The following DAGLA variants were observed in gnomAD, a reference collection of about 807,000 sequenced individuals.
DAGLA encodes the protein diacylglycerol lipase alpha.
A neutral mutation model predicts 102.6 loss-of-function variants in DAGLA; 22 were observed. The observed-to-expected ratio is 0.21, with a 90% CI of 0.15 to 0.31. The LOEUF (loss-of-function observed/expected upper bound fraction) is 0.31, where lower values mean the gene tolerates loss of function less well. Among genes scored for constraint, DAGLA ranks in the 10% least tolerant of loss-of-function variants. The pLI, the probability that DAGLA is intolerant of heterozygous loss-of-function variation, is 1.00. For synonymous variants in DAGLA, 578 were observed against 628.9 expected, an observed-to-expected ratio of 0.92 and a Z score of 1.21; for missense variants, 927 against 1,446.6, an observed-to-expected ratio of 0.64 and a Z score of 5.83.
chr11:61,722,902 C>G lies in DAGLA; in HGVS notation c.351C>G (p.Val117=), dbSNP rs756347287. 3.7e-6 allele frequency: 6 copies of G among 1,614,170 alleles called. No individual in the cohort carries two copies. The highest frequency in any genetic ancestry group is 5.1e-6 in the Non-Finnish European group (6 of 1,180,012). Residue 117 remains valine (V), a synonymous_variant, in exon 4 of 20, where the codon GTC becomes GTG. Transcript: ENST00000257215. Reference sequence around the variant, plus strand: ...TCATCTACGCCATCGTGGGCATCGTCTGGCTCACTCAGTACTACACCTCCT... The same window carrying G: ...TCATCTACGCCATCGTGGGCATCGTGTGGCTCACTCAGTACTACACCTCCT... ...IEFIYAIVGI[V]WLTQYYTSCN...
Position 61,689,790 on chromosome 11 carries a change from C to T in DAGLA, c.-45+9286C>T, listed in dbSNP as rs568576907. On this transcript the variant is annotated intron_variant, in intron 1 of 19. Coordinates refer to ENST00000257215, the MANE Select transcript of DAGLA (RefSeq NM_006133.3). ...AAGTGCTGGGTTTACAGGAGTGAGC[C>T]ACTGTGCCTGGCCTCTTTTGGTACT... Among the ~76,000 whole-genome samples, 11 of 152,292 alleles carry T rather than the reference C, an allele frequency of 7.2e-5. No individual in the cohort carries two copies. In the South Asian group the frequency reaches 2.1e-3, roughly 29 times the overall value.
At position 61,741,234 on chromosome 11, in the gene DAGLA, G is replaced by A. The variant is rs1330937208; in HGVS notation, c.2056G>A (p.Val686Met). The change falls in exon 19 of 20, where the codon GTG becomes ATG. Residue 686 changes from valine to methionine, a missense_variant. Around this residue, in one of 4 missense-constraint regions of DAGLA, gnomAD observed 434 missense variants for 503.3 expected, o/e 0.86. Transcript: ENST00000257215. ...CAAGGTCATGGTGAGCCCTACCGAG[G>A]TGGACCTGACTCCTGAGCTCATCTT... is the stretch of plus-strand genomic sequence containing the variant. ...AAKVMVSPTE[V>M]DLTPELIFQQ... 8 of 1,613,534 alleles carry A rather than the reference G, an allele frequency of 5.0e-6. No individual in the cohort carries two copies. The highest frequency in any genetic ancestry group is 6.8e-6 in the Non-Finnish European group (8 of 1,180,024).
chr11:61,728,370 AG>A, intron 7 of DAGLA, 83 bp downstream of exon 7: 1 of 1,545,816 alleles, frequency 6.5e-7, no homozygotes. Flanking sequence ...CCTGCAGCGG[AG>A]GGCTCGGCTC....
At chr11:61,697,293 G>A (rs1224866183) in intron 1 of DAGLA, among the ~76,000 whole-genome samples, 5 of 152,208 alleles carry the variant, frequency 3.3e-5, no homozygotes, top group East Asian at 1.9e-4. Context: ...AGCTTGGCCC[G>A]CTGCTGTGGT....
intron 18 of DAGLA, 98 bp downstream of exon 18, chr11:61,740,690 C>T: frequency 6.7e-7 from 1 of 1,498,218 alleles, no homozygotes; most frequent in Non-Finnish European, 9.1e-7. Context: ...ATTTTACAGA[C>T]AAGGGTGCTG....
Position 61,739,630 on chromosome 11 carries a change from G to A in DAGLA, c.1822G>A (p.Val608Met). 1.2e-6 allele frequency: 2 copies of A among 1,613,998 alleles called. No homozygotes were observed. Among genetic ancestry groups the A allele is most frequent in the South Asian group, 1.1e-5 (1 of 91,088 alleles). The change falls in exon 17 of 20, where the codon GTG becomes ATG. Residue 608 changes from valine (V) to methionine (M), a missense_variant. Val to Met is a conservative substitution (Grantham distance 21). Coordinates refer to ENST00000257215, the MANE Select transcript of DAGLA (RefSeq NM_006133.3). ...PLYPPGRIIH[V>M]VHNHPAEQCC... ...CTACCCGCCCGGCCGCATCATCCAC[G>A]TGGTCCACAACCACCCTGCAGAGCA...
intron 12 of DAGLA, among the ~76,000 whole-genome samples, 183 bp from the exon 13 acceptor site, chr11:61,736,087 C>T (rs554166006): frequency 6.6e-6 from 1 of 152,184 alleles, no homozygotes. Flanking sequence ...CTCTGAGCCT[C>T]AGTTCCCACC....
intron 3 of DAGLA, 146 bp downstream of exon 3, chr11:61,721,036 A>C (rs1258506796): frequency 2.6e-6 from 2 of 757,992 alleles, no homozygotes; most frequent in African/African-American, 3.5e-5. Context: ...TGTAGCTTAC[A>C]TTCTAGACTA....
At position 61,738,141 on chromosome 11, in the gene DAGLA, C is replaced by T. The variant is rs1351706457; in HGVS notation, c.1590C>T (p.Gly530=). ...VLGKDLVPRI[G]LSQLEGFRRQ... Reference sequence around the variant, plus strand: ...TGTCTCGTTCCCTCCCCAGGATTGGCCTCTCTCAGCTGGAAGGCTTCCGCA... The same window carrying T: ...TGTCTCGTTCCCTCCCCAGGATTGGTCTCTCTCAGCTGGAAGGCTTCCGCA... The change falls in exon 16 of 20, where the codon GGC becomes GGT. Residue 530 remains glycine (G), a synonymous_variant. Transcript: ENST00000257215. 1.9e-6 allele frequency: 3 copies of T among 1,613,372 alleles called. No individual in the cohort carries two copies. The highest frequency in any genetic ancestry group is 3.3e-5 in the Admixed American group (2 of 60,008).
chr11:61,718,830 G>T (rs2135579120), intron 1 of DAGLA, among the ~76,000 whole-genome samples: 1 of 152,332 alleles, frequency 6.6e-6, no homozygotes, highest in African/African-American at 2.4e-5. Flanking sequence ...GGGCGGACAT[G>T]CGGGCTGGCC....
intron 5 of DAGLA, 74 bp from the exon 6 acceptor site, chr11:61,725,921 T>G: frequency 2.2e-6 from 3 of 1,381,938 alleles, no homozygotes; most frequent in East Asian, 2.3e-5. Flanking sequence ...CTGCCCTGTT[T>G]CCATAACGTC....
intron 6 of DAGLA, among the ~76,000 whole-genome samples, chr11:61,726,682 C>A (rs1455705209): frequency 6.6e-6 from 1 of 152,250 alleles, no homozygotes. Context: ...ACAGATCAGG[C>A]AGCTGAGGCC....
chr11:61,723,352 C>G (rs544948864), intron 4 of DAGLA, 82 bp from the exon 5 acceptor site: 1 of 1,555,776 alleles, frequency 6.4e-7, no homozygotes, highest in Admixed American at 1.7e-5. Flanking sequence ...TAGGGAGGCT[C>G]CAATGTCCCT....
intron 1 of DAGLA, among the ~76,000 whole-genome samples, chr11:61,711,143 C>T (rs754106983): frequency 1.3e-5 from 2 of 152,154 alleles, no homozygotes; most frequent in Non-Finnish European, 2.9e-5. Flanking sequence ...ACCACCGGGG[C>T]AGGTAGAAAG....
At chr11:61,692,763 C>T (rs922579663) in intron 1 of DAGLA, among the ~76,000 whole-genome samples, 4 of 151,842 alleles carry the variant, frequency 2.6e-5, no homozygotes, top group East Asian at 1.9e-4. Context: ...CCAACATCCC[C>T]GAGTAGAGAG....
intron 19 of DAGLA, among the ~76,000 whole-genome samples, chr11:61,743,088 G>A (rs1320770331): frequency 6.6e-6 from 1 of 152,132 alleles, no homozygotes; most frequent in African/African-American, 2.4e-5. Flanking sequence ...TTCCTGGCTG[G>A]GCGCGGTGGC....
At chr11:61,700,009 A>G (rs1276382972) in intron 1 of DAGLA, among the ~76,000 whole-genome samples, 1 of 152,182 alleles carries the variant, frequency 6.6e-6, no homozygotes, top group Non-Finnish European at 1.5e-5. Flanking sequence ...TGCGAATGCC[A>G]CACCACCCTG....
At chr11:61,709,488 G>C (rs746019292) in intron 1 of DAGLA, among the ~76,000 whole-genome samples, 14 of 152,216 alleles carry the variant, frequency 9.2e-5, no homozygotes, top group Non-Finnish European at 1.8e-4. Flanking sequence ...CAGAGCAGCT[G>C]AAAGCTGCTG....
At chr11:61,703,744 T>C (rs1424540698) in intron 1 of DAGLA, among the ~76,000 whole-genome samples, 1 of 151,932 alleles carries the variant, frequency 6.6e-6, no homozygotes, top group Non-Finnish European at 1.5e-5. Flanking sequence ...AGCTATGGGG[T>C]GATCCCTTTT....
Sources: gnomAD v4.1 joint callset for allele counts (sites outside exome capture counted in the v4.1 genomes callset) on GRCh38, gnomAD v4.1.1 for gene constraint, gnomAD v4.1.1 regional missense constraint, MANE v1.5 for transcripts, NCBI Gene and HGNC (gene_info 2026-07-23, HGNC 2026-07-21) for gene names.